FBXO34: variants seen among roughly 807,000 people sequenced by gnomAD.
FBXO34 encodes the protein F-box only protein 34.
In FBXO34, 12 loss-of-function variants were observed where a neutral mutation model predicts 24.5. The observed-to-expected ratio is 0.49, with a 90% CI of 0.31 to 0.79. The LOEUF is 0.79. Ranked by LOEUF, FBXO34 falls within the 30% of genes least tolerant of loss-of-function variation. FBXO34 has a pLI of 0.04. For missense variants in FBXO34, 823 were observed against 857.7 expected (o/e 0.96, Z 0.51); for synonymous variants, 320 against 311.9 (o/e 1.03, Z -0.27).
At chr14:55,339,686 T>C (rs1855657366) in intron 1 of FBXO34, among the ~76,000 whole-genome samples, 2 of 152,220 alleles carry the variant, frequency 1.3e-5, no homozygotes, top group African/African-American at 2.4e-5. Context: ...CTTGGAATGC[T>C]CATTTTTAAC....
intron 1 of FBXO34, among the ~76,000 whole-genome samples, chr14:55,301,282 C>A (rs1882345006): frequency 2.0e-5 from 3 of 151,950 alleles, no homozygotes; most frequent in Non-Finnish European, 4.4e-5. Flanking sequence ...AACAGAAATT[C>A]AAAAATTAGC....
chr14:55,403,344 G>C, the FBXO34 span, among the ~76,000 whole-genome samples: 2 of 151,988 alleles, frequency 1.3e-5, no homozygotes, highest in African/African-American at 4.8e-5. Flanking sequence ...CACAAAAAGA[G>C]ACTGAGGGAT....
Position 55,350,976 on chromosome 14 carries a change from G to A in FBXO34, c.586G>A (p.Gly196Arg), listed in dbSNP as rs1884341219. Residue 196 changes from glycine to arginine, a missense_variant, in exon 2 of 2, where the codon GGG becomes AGG. By Grantham distance (125) the Gly-to-Arg change is moderately radical. Around this residue, in one of 2 missense-constraint regions of FBXO34, gnomAD observed 693 missense variants for 659.1 expected, o/e 1.05. Coordinates refer to ENST00000313833, the MANE Select transcript of FBXO34 (RefSeq NM_017943.4). The part of the protein sequence containing the change: ...HCSVHYVSDS[G>R]DGVYAGRPLS... ...TTCTGTGCACTATGTGAGTGACAGTGGGGATGGAGTCTATGCTGGGAGGCC... is the reference window on the plus strand; with the variant it reads ...TTCTGTGCACTATGTGAGTGACAGTAGGGATGGAGTCTATGCTGGGAGGCC... The A allele has an allele frequency of 1.2e-6, 2 of 1,614,210 alleles. No individual in the cohort carries two copies. The highest frequency in any genetic ancestry group is 2.2e-5 in the South Asian group (2 of 91,084).
intron 3 of FBXO34, among the ~76,000 whole-genome samples, chr14:55,359,319 T>C (rs1244310446): frequency 1.3e-5 from 2 of 152,138 alleles, no homozygotes; most frequent in African/African-American, 4.8e-5. Flanking sequence ...AGGCCCTAAA[T>C]GCACACCTGG....
the FBXO34 span, among the ~76,000 whole-genome samples, chr14:55,435,434 T>C: frequency 1.2e-4 from 18 of 151,876 alleles, no homozygotes; most frequent in African/African-American, 4.4e-4. Context: ...CGCCACAACA[T>C]CCAGCTAATT....
chr14:55,379,377 A>C, the FBXO34 span, among the ~76,000 whole-genome samples: 1 of 151,898 alleles, frequency 6.6e-6, no homozygotes, highest in South Asian at 2.1e-4. Context: ...CTCATACAAA[A>C]AAATACAAAA....
intron 1 of FBXO34, among the ~76,000 whole-genome samples, chr14:55,323,491 T>A (rs1030532721): frequency 4.6e-5 from 7 of 151,848 alleles, no homozygotes. Flanking sequence ...CAAGTGATTC[T>A]CCTGCCTCAG....
chr14:55,394,822 A>G, the FBXO34 span: 1 of 304,360 alleles, frequency 3.3e-6, no homozygotes, highest in Admixed American at 4.3e-5. Flanking sequence ...TAGGATATAA[A>G]AACTAACCCC....
the FBXO34 span, among the ~76,000 whole-genome samples, chr14:55,426,967 A>G: frequency 6.6e-6 from 1 of 152,196 alleles, no homozygotes; most frequent in Non-Finnish European, 1.5e-5. Context: ...CGAGCCCTGA[A>G]TGGCCAGAAG....
chr14:55,325,393 G>GA (rs1343483375), intron 1 of FBXO34, among the ~76,000 whole-genome samples: 1 of 152,100 alleles, frequency 6.6e-6, no homozygotes, highest in East Asian at 1.9e-4. Flanking sequence ...AAGTTGTGAT[G>GA]GTGTAGAGCT....
At chr14:55,360,264 G>C (rs995392293) in intron 3 of FBXO34, among the ~76,000 whole-genome samples, 2 of 151,970 alleles carry the variant, frequency 1.3e-5, no homozygotes, top group African/African-American at 4.8e-5. Context: ...GTAGAGACGG[G>C]GTTTTACCAT....
chr14:55,289,102 C>T lies in FBXO34; in HGVS notation c.-11+17565C>T, dbSNP rs143425622. 5.7e-4 allele frequency among the ~76,000 whole-genome samples: 86 copies of T among 152,142 alleles called. No homozygotes were observed. In the East Asian group the frequency reaches 0.015, roughly 27 times the overall value. On this transcript the variant is annotated intron_variant, in intron 1 of 1. Coordinates refer to ENST00000313833, the MANE Select transcript of FBXO34 (RefSeq NM_017943.4). ...ATATATTTCAAGCAGCAAAATGACCCCAAAACTTCTCTTTTTGGTGAAAAT... is the reference window on the plus strand; with the variant it reads ...ATATATTTCAAGCAGCAAAATGACCTCAAAACTTCTCTTTTTGGTGAAAAT...
chr14:55,338,048 C>CTTTTTT (rs58194693), intron 1 of FBXO34, among the ~76,000 whole-genome samples: 3,941 of 88,050 alleles, frequency 0.045, 883 homozygotes, highest in African/African-American at 0.18. Context: ...GTATGTACTT[C>CTTTTTT]TTTTTTTTTT....
chr14:55,411,755 G>C, the FBXO34 span: 1 of 1,607,726 alleles, frequency 6.2e-7, no homozygotes, highest in South Asian at 1.1e-5. Context: ...CAGGTCCCGG[G>C]CGAGCGGCCG....
At chr14:55,309,329 G>A (rs1045834353) in intron 1 of FBXO34, among the ~76,000 whole-genome samples, 5 of 152,146 alleles carry the variant, frequency 3.3e-5, no homozygotes, top group African/African-American at 1.2e-4. Flanking sequence ...TGGGGGAGAT[G>A]TCTCTACAGC....
rs79227151 is a variant in FBXO34, at chr14:55,353,277, T to A, written c.*751T>A. Reference sequence around the variant, plus strand: ...ATAGTGTTGCGGCTATAATTTTGTGTTTTTTTTTTTTAATTGTCTAGTCTT... The same window carrying A: ...ATAGTGTTGCGGCTATAATTTTGTGATTTTTTTTTTTAATTGTCTAGTCTT... On this transcript the variant is annotated 3_prime_UTR_variant, in exon 2 of 2. Coordinates refer to ENST00000313833, the MANE Select transcript of FBXO34 (RefSeq NM_017943.4). The A allele has an allele frequency of 2.3e-5, 1 of 43,252 alleles. No individual in the cohort carries two copies. Among genetic ancestry groups the A allele is most frequent in the South Asian group, 8.1e-4 (1 of 1,236 alleles). The allele number at this position is 43,252 out of a possible 1,614,324, so 2.7% of individuals were successfully genotyped here.
At chr14:55,327,037 CTGCAGAGAATGT>C in intron 1 of FBXO34, among the ~76,000 whole-genome samples, 1 of 151,994 alleles carries the variant, frequency 6.6e-6, no homozygotes, top group African/African-American at 2.4e-5. Context: ...GAAAAAAGTG[CTGCAGAGAATGT>C]ATAGCAAGGA....
At chr14:55,343,006 C>T (rs1246145213) in intron 1 of FBXO34, among the ~76,000 whole-genome samples, 1 of 152,132 alleles carries the variant, frequency 6.6e-6, no homozygotes, top group East Asian at 1.9e-4. Flanking sequence ...TTTATTTGTG[C>T]TTCCTCATTT....
chr14:55,354,209 T>C (rs10220441), downstream of FBXO34, among the ~76,000 whole-genome samples: 13,901 of 152,248 alleles, frequency 0.091, 1,864 homozygotes, highest in African/African-American at 0.29. Context: ...TTTTTCCTTA[T>C]GACTCACCCA....
Sources: gnomAD v4.1 joint callset for allele counts (sites outside exome capture counted in the v4.1 genomes callset) on GRCh38, gnomAD v4.1.1 for gene constraint, gnomAD v4.1.1 regional missense constraint, MANE v1.5 for transcripts, NCBI Gene and HGNC (gene_info 2026-07-23, HGNC 2026-07-21) for gene names.